The following DHX57 variants were observed in gnomAD, a reference collection of about 807,000 sequenced individuals.
DHX57 encodes the protein DExH-box helicase 57, also known as putative ATP-dependent RNA helicase DHX57.
A neutral mutation model predicts 156.2 loss-of-function variants in DHX57; 105 were observed. That is an observed-to-expected ratio of 0.67 (90% confidence interval 0.57 to 0.79). The LOEUF is 0.79. Among genes scored for constraint, DHX57 ranks in the 30% least tolerant of loss-of-function variants. The probability of loss-of-function intolerance (pLI) is 0.00; values close to 1 mark genes in which losing one functional copy is unlikely to be tolerated. For synonymous variants in DHX57, 704 were observed against 595.6 expected (o/e 1.18, Z -2.65); for missense variants, 1,847 against 1,661.9 (o/e 1.11, Z -1.94).
intron 23 of DHX57, 59 bp downstream of exon 23, chr2:38,802,656 C>A (rs927140629): frequency 4.4e-6 from 7 of 1,596,928 alleles, no homozygotes; most frequent in Non-Finnish European, 6.0e-6. Context: ...TTCATAACTT[C>A]ATATTGTCAA....
chr2:38,826,743 A>T, intron 14 of DHX57, 54 bp from the exon 15 acceptor site: 1 of 1,568,216 alleles, frequency 6.4e-7, no homozygotes, highest in Non-Finnish European at 8.7e-7. Flanking sequence ...CCGAAACTAG[A>T]TTACAGTAGG....
chr2:38,845,841 G>A (rs932546274), intron 11 of DHX57, among the ~76,000 whole-genome samples: 7 of 151,044 alleles, frequency 4.6e-5, no homozygotes, highest in Non-Finnish European at 1.0e-4. Context: ...CGAGTACAAT[G>A]ATGATGATGA....
intron 2 of DHX57, 49 bp downstream of exon 2, chr2:38,868,133 A>G: frequency 6.3e-7 from 1 of 1,597,678 alleles, no homozygotes; most frequent in Non-Finnish European, 8.6e-7. Flanking sequence ...CCCATACATT[A>G]GGGGTTGATA....
chr2:38,865,165 G>T (rs1395997739), intron 2 of DHX57, among the ~76,000 whole-genome samples: 1 of 151,672 alleles, frequency 6.6e-6, no homozygotes, highest in Non-Finnish European at 1.5e-5. Context: ...CATAATAATT[G>T]TACATTCTTT....
At chr2:38,811,357 A>G (rs1670237658) in intron 21 of DHX57, 1 of 532,318 alleles carries the variant, frequency 1.9e-6, no homozygotes, top group Non-Finnish European at 3.7e-6. Context: ...CCTCCCACTG[A>G]GCAATTTCCA....
chr2:38,868,502 A>G (rs1291200042), intron 1 of DHX57, 91 bp from the exon 2 acceptor site: 1 of 1,265,818 alleles, frequency 7.9e-7, no homozygotes, highest in Non-Finnish European at 1.1e-6. Flanking sequence ...AGGCTACTTT[A>G]AAGAAACAAA....
intron 21 of DHX57, among the ~76,000 whole-genome samples, chr2:38,807,493 G>T (rs1318788051): frequency 6.6e-6 from 1 of 151,874 alleles, no homozygotes; most frequent in Non-Finnish European, 1.5e-5. Context: ...TAGTAGCTGG[G>T]ACTACAGGCG....
chr2:38,828,729 A>AC (rs1281953911), intron 13 of DHX57, among the ~76,000 whole-genome samples: 1 of 152,052 alleles, frequency 6.6e-6, no homozygotes, highest in East Asian at 1.9e-4. Flanking sequence ...TCTCAAAAAA[A>AC]AAAAAAAAGA....
Position 38,868,303 on chromosome 2 carries a change from C to T in DHX57, c.103G>A (p.Gly35Arg). The change falls in exon 2 of 24, where the codon GGG becomes AGG. Residue 35 changes from glycine (G) to arginine (R), a missense_variant. By Grantham distance (125) the Gly-to-Arg change is moderately radical. Coordinates refer to ENST00000457308, the MANE Select transcript of DHX57 (RefSeq NM_198963.3). Reference protein sequence around the residue: ...GGRSHASKSHGSGGGGGGGGG... With the variant: ...GGRSHASKSHRSGGGGGGGGG... Reference sequence around the variant, plus strand: ...CCACCACCGCCACCGCCACCACTCCCATGAGATTTACTGGCGTGACTCCTG... The same window carrying T: ...CCACCACCGCCACCGCCACCACTCCTATGAGATTTACTGGCGTGACTCCTG... The T allele has an allele frequency of 6.2e-7, 1 of 1,614,100 alleles. No homozygotes were observed. Among genetic ancestry groups the T allele is most frequent in the South Asian group, 1.1e-5 (1 of 91,074 alleles).
chr2:38,838,135 G>C (rs945341084), intron 12 of DHX57, among the ~76,000 whole-genome samples, 188 bp from the exon 13 acceptor site: 1 of 152,106 alleles, frequency 6.6e-6, no homozygotes, highest in Admixed American at 6.6e-5. Context: ...GTCTTGCTCT[G>C]TCACCCAGGC....
chr2:38,811,911 T>A (rs1414847356), intron 21 of DHX57, among the ~76,000 whole-genome samples: 4 of 152,154 alleles, frequency 2.6e-5, no homozygotes, highest in Non-Finnish European at 5.9e-5. Context: ...AAATGATTTT[T>A]CCCCACATTC....
chr2:38,860,121 G>C (rs1020248596), intron 5 of DHX57, among the ~76,000 whole-genome samples: 1 of 151,286 alleles, frequency 6.6e-6, no homozygotes, highest in Admixed American at 6.6e-5. Context: ...ACCCAGCAGA[G>C]AATTCTTTGA....
intron 21 of DHX57, among the ~76,000 whole-genome samples, chr2:38,807,503 G>A (rs367962668): frequency 1.6e-4 from 24 of 149,270 alleles, no homozygotes; most frequent in African/African-American, 5.2e-4. Context: ...GACTACAGGC[G>A]CCCGCCGCCA....
At chr2:38,839,846 G>A (rs142981533) in intron 12 of DHX57, among the ~76,000 whole-genome samples, 2 of 152,288 alleles carry the variant, frequency 1.3e-5, no homozygotes, top group East Asian at 1.9e-4. Flanking sequence ...GAAAGGTGGA[G>A]CAGAATCACT....
Position 38,848,250 on chromosome 2 carries a change from A to C in DHX57, c.2164+19T>G. 6.4e-7 allele frequency: 1 copy of C among 1,567,906 alleles called. No homozygotes were observed. The highest frequency in any genetic ancestry group is 8.6e-7 in the Non-Finnish European group (1 of 1,160,718). On this transcript the variant is annotated intron_variant, in intron 10 of 23. Transcript: ENST00000457308. ...TTGCTTATTAGAATGATACATATTT[A>C]ATGATGCATTTTATTCACCTGGTAT...
At chr2:38,819,741 T>C (rs1670719617) in intron 17 of DHX57, among the ~76,000 whole-genome samples, 1 of 152,186 alleles carries the variant, frequency 6.6e-6, no homozygotes, top group African/African-American at 2.4e-5. Context: ...AAACCTAACA[T>C]TCTGTTATCT....
At chr2:38,846,145 TG>T (rs1201890025) in intron 11 of DHX57, among the ~76,000 whole-genome samples, 1 of 152,118 alleles carries the variant, frequency 6.6e-6, no homozygotes. Context: ...GGATTACAGG[TG>T]TGAGCTACCA....
In DHX57 at chr2:38,823,196, T is replaced by C; in HGVS notation, c.3088A>G (p.Thr1030Ala). 6.2e-7 allele frequency: 1 copy of C among 1,614,108 alleles called. No homozygotes were observed. The change falls in exon 17 of 24, where the codon ACC becomes GCC. Residue 1030 changes from threonine (T) to alanine (A), a missense_variant. Transcript: ENST00000457308. ...VFSRLIEPPHTDSLRASKIRL... is the reference protein window; with the variant it reads ...VFSRLIEPPHADSLRASKIRL... ...ATTTTTGAGGCACGAAGAGAATCGG[T>C]GTGTGGAGGTTCAATGAGCCGAGAG... is the stretch of plus-strand genomic sequence containing the variant.
At chr2:38,849,654 C>G (rs1425950853) in intron 9 of DHX57, among the ~76,000 whole-genome samples, 1 of 152,182 alleles carries the variant, frequency 6.6e-6, no homozygotes, top group Non-Finnish European at 1.5e-5. Context: ...GTCTACACCC[C>G]ATGCTCCCCA....
Sources: allele counts gnomAD v4.1 joint callset (sites outside exome capture counted in the v4.1 genomes callset), GRCh38; gene constraint gnomAD v4.1.1; transcripts MANE v1.5; gene names NCBI Gene and HGNC (gene_info 2026-07-23, HGNC 2026-07-21).